The following MORC1 variants were observed in gnomAD, a reference collection of about 807,000 sequenced individuals.
MORC1 encodes the protein MORC family CW-type zinc finger 1.
In MORC1, 59 loss-of-function variants were observed where a neutral mutation model predicts 134.9. The observed-to-expected ratio is 0.44, with a 90% CI of 0.35 to 0.54. MORC1 has a LOEUF of 0.54. MORC1 is among the 20% of genes least tolerant of loss of function. The probability of loss-of-function intolerance (pLI) is 0.00; values close to 1 mark genes in which losing one functional copy is unlikely to be tolerated. For synonymous variants in MORC1, 395 were observed against 391.7 expected, an observed-to-expected ratio of 1.01 and a Z score of -0.10; for missense variants, 947 against 1,134.5, an observed-to-expected ratio of 0.83 and a Z score of 2.37.
In MORC1 at chr3:109,040,353, T is replaced by TGAAAGAAA. The variant is rs35886667; in HGVS notation, c.1331-4893_1331-4886dup. Among the ~76,000 whole-genome samples, 173 of 28,144 alleles carry TGAAAGAAA rather than the reference T, an allele frequency of 6.1e-3. 8 individuals carry two copies. Among genetic ancestry groups the TGAAAGAAA allele is most frequent in the Middle Eastern group, 0.029 (3 of 102 alleles). The allele number at this position is 28,144 out of a possible 152,430, so 18.5% of individuals were successfully genotyped here. ...ACTGTCTCAAAGACACTCAAAGAAC[T>TGAAAGAAA]GAAAGAAAGAAAGAAAGAAAGAAAG... On this transcript the variant is annotated intron_variant, in intron 14 of 27. Coordinates refer to ENST00000232603, the MANE Select transcript of MORC1 (RefSeq NM_014429.4).
chr3:108,992,259 T>A (rs924496046), intron 21 of MORC1, among the ~76,000 whole-genome samples: 6 of 152,324 alleles, frequency 3.9e-5, no homozygotes, highest in Admixed American at 3.9e-4. Flanking sequence ...CACTCTTGCT[T>A]CCACATCTCT....
intron 21 of MORC1, among the ~76,000 whole-genome samples, chr3:108,988,157 A>G (rs1317462174): frequency 6.6e-6 from 1 of 152,084 alleles, no homozygotes; most frequent in African/African-American, 2.4e-5. Context: ...TTTACGTAGC[A>G]TTCTGGAAAC....
intron 1 of MORC1, among the ~76,000 whole-genome samples, chr3:109,115,492 G>A (rs1395054669): frequency 6.6e-6 from 1 of 151,966 alleles, no homozygotes; most frequent in African/African-American, 2.4e-5. Flanking sequence ...ACAAAAAGAT[G>A]TCCTTCACCC....
intron 14 of MORC1, among the ~76,000 whole-genome samples, chr3:109,044,514 C>T (rs529509231): frequency 1.7e-4 from 26 of 149,228 alleles, no homozygotes; most frequent in African/African-American, 2.5e-4. Context: ...GCCGATATCA[C>T]GCCACTGCAC....
chr3:108,970,366 T>C (rs1947344660), intron 25 of MORC1, among the ~76,000 whole-genome samples: 1 of 152,106 alleles, frequency 6.6e-6, no homozygotes, highest in South Asian at 2.1e-4. Context: ...GTGAAAGTGG[T>C]CACCTAGGTT....
intron 27 of MORC1, among the ~76,000 whole-genome samples, chr3:108,961,258 T>C (rs957628946): frequency 1.3e-5 from 2 of 152,142 alleles, no homozygotes; most frequent in African/African-American, 4.8e-5. Flanking sequence ...CTACCACAGA[T>C]TTGCTCTAAC....
At chr3:109,030,988 A>G (rs528875365) in intron 16 of MORC1, among the ~76,000 whole-genome samples, 1 of 152,322 alleles carries the variant, frequency 6.6e-6, no homozygotes, top group South Asian at 2.1e-4. Flanking sequence ...TACAAATTAA[A>G]AATTAAATTT....
At chr3:109,087,235 G>A (rs1214512223) in intron 8 of MORC1, among the ~76,000 whole-genome samples, 1 of 151,920 alleles carries the variant, frequency 6.6e-6, no homozygotes, top group African/African-American at 2.4e-5. Flanking sequence ...TGGCAATCAG[G>A]CAAGAGAAAG....
chr3:109,057,771 AC>A (rs1228848984), intron 12 of MORC1, among the ~76,000 whole-genome samples: 1 of 152,236 alleles, frequency 6.6e-6, no homozygotes, highest in Non-Finnish European at 1.5e-5. Context: ...TGAAATATTA[AC>A]GGGTCGTATA....
chr3:109,097,508 G>A (rs905034776), intron 6 of MORC1, among the ~76,000 whole-genome samples: 1 of 152,162 alleles, frequency 6.6e-6, no homozygotes, highest in Non-Finnish European at 1.5e-5. Context: ...TCTCAGAGAT[G>A]ACACAGAAGA....
At chr3:109,024,744 G>C (rs2107589734) in intron 17 of MORC1, among the ~76,000 whole-genome samples, 1 of 152,302 alleles carries the variant, frequency 6.6e-6, no homozygotes, top group Middle Eastern at 3.4e-3. Context: ...CTGTGATACT[G>C]AATGGGTGAA....
intron 15 of MORC1, 26 bp downstream of exon 15, chr3:109,035,314 T>C (rs1391048546): frequency 1.3e-6 from 2 of 1,563,950 alleles, no homozygotes; most frequent in Admixed American, 3.9e-5. Flanking sequence ...TAACATTTGG[T>C]AATTATAATG....
At chr3:109,083,406 C>T (rs1950558427) in intron 8 of MORC1, among the ~76,000 whole-genome samples, 1 of 151,836 alleles carries the variant, frequency 6.6e-6, no homozygotes, top group South Asian at 2.1e-4. Flanking sequence ...ACAATCTACT[C>T]ATTATGCTAG....
rs1949116799 is a variant in MORC1, at chr3:109,027,763, T to G, written c.1692A>C (p.Glu564Asp). ...AATCACAACTCACCTGTGGCTGCTGTTCTGCCAGTCTATTTTGATACTTTA... is the reference window on the plus strand; with the variant it reads ...AATCACAACTCACCTGTGGCTGCTGGTCTGCCAGTCTATTTTGATACTTTA... ...SVIKYQNRLA[E>D]QQPQPQFIPV... The change falls in exon 17 of 28, where the codon GAA (glutamate) becomes GAC (aspartate). Residue 564 changes from glutamate (E) to aspartate (D), a missense_variant. By Grantham distance (45) the Glu-to-Asp change is conservative. Transcript: ENST00000232603. 14 of 1,613,714 alleles carry G rather than the reference T, an allele frequency of 8.7e-6. No homozygotes were observed. The highest frequency in any genetic ancestry group is 1.0e-5 in the Non-Finnish European group (12 of 1,179,826).
At chr3:109,007,840 A>G (rs1486061250) in intron 17 of MORC1, among the ~76,000 whole-genome samples, 1 of 152,060 alleles carries the variant, frequency 6.6e-6, no homozygotes, top group Non-Finnish European at 1.5e-5. Context: ...TTCATTCTCC[A>G]CTTGTCTAAT....
At chr3:109,015,497 T>G (rs1305140103) in intron 17 of MORC1, among the ~76,000 whole-genome samples, 1 of 152,230 alleles carries the variant, frequency 6.6e-6, no homozygotes, top group African/African-American at 2.4e-5. Context: ...CATGCTACTT[T>G]CACTTTGTAA....
At chr3:109,017,872 C>T (rs555495653) in intron 17 of MORC1, among the ~76,000 whole-genome samples, 2 of 152,166 alleles carry the variant, frequency 1.3e-5, no homozygotes, top group Non-Finnish European at 2.9e-5. Flanking sequence ...AAGACTATTA[C>T]ATTTCTTTAT....
intron 9 of MORC1, among the ~76,000 whole-genome samples, chr3:109,065,041 T>C (rs1367354172): frequency 6.6e-6 from 1 of 152,128 alleles, no homozygotes; most frequent in African/African-American, 2.4e-5. Flanking sequence ...TCACAACATA[T>C]CTGTAATCCA....
At chr3:109,086,022 T>C (rs926622579) in intron 8 of MORC1, among the ~76,000 whole-genome samples, 2 of 152,084 alleles carry the variant, frequency 1.3e-5, no homozygotes, top group Non-Finnish European at 1.5e-5. Context: ...TTCTCATTCA[T>C]ATGTAGGAGC....
Sources: allele counts gnomAD v4.1 joint callset (sites outside exome capture counted in the v4.1 genomes callset), GRCh38; gene constraint gnomAD v4.1.1; transcripts MANE v1.5; gene names NCBI Gene and HGNC (gene_info 2026-07-23, HGNC 2026-07-21).